FAT3: variants seen among roughly 807,000 people sequenced by gnomAD.
FAT3 encodes protocadherin Fat 3.
FAT3 carries 95 observed loss-of-function variants against 310.2 expected under a neutral mutation model. That is an observed-to-expected ratio of 0.31 (90% CI 0.26 to 0.36). The LOEUF (loss-of-function observed/expected upper bound fraction) is 0.36, where lower values mean the gene tolerates loss of function less well. Among genes scored for constraint, FAT3 ranks in the 10% least tolerant of loss-of-function variants. The pLI is 1.00. For synonymous variants in FAT3, 2,314 were observed against 2,192.9 expected (o/e 1.06, Z -1.54); for missense variants, 5,408 against 5,715.6 (o/e 0.95, Z 1.74).
intron 1 of FAT3, among the ~76,000 whole-genome samples, chr11:92,274,084 T>G (rs1349268192): frequency 6.6e-6 from 1 of 152,126 alleles, no homozygotes; most frequent in Non-Finnish European, 1.5e-5. Flanking sequence ...TAAGTCCTAA[T>G]ATTTCTGAAA....
chr11:92,871,976 A>C (rs1949404360), intron 22 of FAT3, among the ~76,000 whole-genome samples: 5 of 151,270 alleles, frequency 3.3e-5, no homozygotes, highest in Admixed American at 2.0e-4. Flanking sequence ...AAAAAAAAAA[A>C]TTAGTATAAA....
chr11:92,524,607 C>T, intron 2 of FAT3, 27 bp from the exon 3 acceptor site: 2 of 1,598,732 alleles, frequency 1.3e-6, no homozygotes, highest in Non-Finnish European at 1.7e-6. Flanking sequence ...TTCTCTGTGA[C>T]AGTAACACTT....
intron 2 of FAT3, among the ~76,000 whole-genome samples, chr11:92,403,989 T>C (rs1295974889): frequency 6.6e-6 from 1 of 151,798 alleles, no homozygotes; most frequent in Non-Finnish European, 1.5e-5. Flanking sequence ...GAGCCAAGAT[T>C]GTGCCACTGC....
chr11:92,642,690 G>A (rs753972776), intron 3 of FAT3, among the ~76,000 whole-genome samples: 6 of 152,184 alleles, frequency 3.9e-5, no homozygotes, highest in Non-Finnish European at 8.8e-5. Context: ...TTGAGACAGG[G>A]CTTCTTACCC....
At chr11:92,253,699 G>A (rs1028496474) in intron 1 of FAT3, among the ~76,000 whole-genome samples, 5 of 152,086 alleles carry the variant, frequency 3.3e-5, no homozygotes, top group Non-Finnish European at 7.4e-5. Flanking sequence ...CTTTTAATAT[G>A]AAGCAATACT....
intron 2 of FAT3, among the ~76,000 whole-genome samples, chr11:92,374,030 G>GAGAGAGAGAGAGA (rs1949270752): frequency 7.0e-6 from 1 of 142,136 alleles, no homozygotes; most frequent in Non-Finnish European, 1.5e-5. Flanking sequence ...ACAGAGAGAG[G>GAGAGAGAGAGAGA]GAGAGAGAGA....
At chr11:92,703,036 G>A (rs1277716679) in intron 4 of FAT3, among the ~76,000 whole-genome samples, 2 of 152,166 alleles carry the variant, frequency 1.3e-5, no homozygotes, top group Admixed American at 6.5e-5. Context: ...AGATCCATAG[G>A]AATGTATATT....
chr11:92,516,404 T>C (rs1461775589), intron 2 of FAT3, among the ~76,000 whole-genome samples: 7 of 152,112 alleles, frequency 4.6e-5, no homozygotes, highest in Non-Finnish European at 1.5e-5. Flanking sequence ...GTTATCTCAA[T>C]AGATGCAGAA....
chr11:92,333,531 A>G (rs935455160), intron 1 of FAT3, among the ~76,000 whole-genome samples: 4 of 152,082 alleles, frequency 2.6e-5, no homozygotes, highest in Admixed American at 6.6e-5. Flanking sequence ...TCTCTTCTCT[A>G]TACAAGTGTG....
At chr11:92,533,922 G>A (rs553564036) in intron 3 of FAT3, among the ~76,000 whole-genome samples, 3 of 152,158 alleles carry the variant, frequency 2.0e-5, no homozygotes, top group East Asian at 1.9e-4. Flanking sequence ...AGCAGATGAT[G>A]GAGCTGTATT....
chr11:92,868,820 C>T (rs1949311636), intron 22 of FAT3, among the ~76,000 whole-genome samples: 1 of 152,158 alleles, frequency 6.6e-6, no homozygotes, highest in African/African-American at 2.4e-5. Flanking sequence ...AATCCTTAAG[C>T]TAAGTATTCA....
chr11:92,746,838 C>A (rs1945685966), intron 4 of FAT3, among the ~76,000 whole-genome samples: 1 of 152,172 alleles, frequency 6.6e-6, no homozygotes, highest in African/African-American at 2.4e-5. Flanking sequence ...CTTAAAGTTC[C>A]AAAATGATCT....
chr11:92,495,539 G>A (rs947733023), intron 2 of FAT3, among the ~76,000 whole-genome samples: 1 of 152,050 alleles, frequency 6.6e-6, no homozygotes, highest in Admixed American at 6.6e-5. Flanking sequence ...GAGGAGAGAA[G>A]CAGAAAGCAA....
intron 2 of FAT3, among the ~76,000 whole-genome samples, chr11:92,516,825 A>G (rs2135332048): frequency 6.6e-6 from 1 of 152,324 alleles, no homozygotes; most frequent in East Asian, 1.9e-4. Context: ...AAAAATCACA[A>G]GCATTCCTAT....
At chr11:92,389,446 T>C (rs550712631) in intron 2 of FAT3, among the ~76,000 whole-genome samples, 18 of 152,306 alleles carry the variant, frequency 1.2e-4, no homozygotes, top group African/African-American at 4.1e-4. Context: ...TTATTTGTAT[T>C]CTTGTTTAAA....
At chr11:92,393,204 A>G (rs1949786933) in intron 2 of FAT3, among the ~76,000 whole-genome samples, 1 of 151,980 alleles carries the variant, frequency 6.6e-6, no homozygotes, top group Non-Finnish European at 1.5e-5. Context: ...GGCAGATCTT[A>G]CCTGGTTTTA....
chr11:92,367,345 C>T (rs931159440), intron 2 of FAT3: 1 of 163,470 alleles, frequency 6.1e-6, no homozygotes, highest in Admixed American at 6.0e-5. Flanking sequence ...CCTGTAATCC[C>T]AGCACTTTGG....
At chr11:92,525,104 T>C (rs1301940161) in intron 3 of FAT3, among the ~76,000 whole-genome samples, 156 bp downstream of exon 3, 1 of 152,204 alleles carries the variant, frequency 6.6e-6, no homozygotes. Context: ...CTTCTGCCTA[T>C]GTGGTATGTT....
At chr11:92,780,141 G>T (rs895530808) in intron 7 of FAT3, among the ~76,000 whole-genome samples, 3 of 147,376 alleles carry the variant, frequency 2.0e-5, no homozygotes, top group African/African-American at 7.5e-5. Flanking sequence ...AAGCTTCTAA[G>T]TTTATGGTAA....
Sources: gnomAD v4.1 joint callset for allele counts (sites outside exome capture counted in the v4.1 genomes callset) on GRCh38, gnomAD v4.1.1 for gene constraint, MANE v1.5 for transcripts, NCBI Gene and HGNC (gene_info 2026-07-23, HGNC 2026-07-21) for gene names.